FGF14: variants seen among roughly 807,000 people sequenced by gnomAD.
FGF14 encodes the protein fibroblast growth factor 14.
A neutral mutation model predicts 25.5 loss-of-function variants in FGF14; 5 were observed. That is an observed-to-expected ratio of 0.20 (90% CI 0.10 to 0.41). The LOEUF is 0.41. FGF14 is among the 10% of genes least tolerant of loss of function. The pLI is 1.00. For missense variants in FGF14, 222 were observed against 320.1 expected (o/e 0.69, Z 2.34); for synonymous variants, 138 against 118.3 (o/e 1.17, Z -1.08).
At position 101,740,838 on chromosome 13, in the gene FGF14, C is replaced by A. The variant is rs375647340; in HGVS notation, c.409-14028G>T. Reference sequence around the variant, plus strand: ...TGGTGGGTATGTCTTTTTTTCAGTACCAAATTACTTCAGAAATCTTCATGC... The same window carrying A: ...TGGTGGGTATGTCTTTTTTTCAGTAACAAATTACTTCAGAAATCTTCATGC... On this transcript the variant is annotated intron_variant, in intron 3 of 4. Transcript: ENST00000376143. Among the ~76,000 whole-genome samples the A allele has an allele frequency of 7.3e-5, 11 of 151,634 alleles. No homozygotes were observed. The South Asian group carries it at 1.0e-3, about 14-fold the overall frequency.
chr13:101,946,580 G>A (rs1292574411), intron 1 of FGF14, among the ~76,000 whole-genome samples: 1 of 152,178 alleles, frequency 6.6e-6, no homozygotes, highest in African/African-American at 2.4e-5. Flanking sequence ...CCATTTCCCT[G>A]TTCTGCCATC....
chr13:101,723,192 T>C, intron 4 of FGF14: 1 of 556,596 alleles, frequency 1.8e-6, no homozygotes. Context: ...AATATGTATA[T>C]GAGTGTGCAT....
At chr13:102,054,974 G>A (rs150455421) in intron 1 of FGF14, among the ~76,000 whole-genome samples, 108 of 152,168 alleles carry the variant, frequency 7.1e-4, no homozygotes, top group Non-Finnish European at 1.4e-3. Context: ...TTGAATCACT[G>A]TACAACCAGG....
intron 3 of FGF14, among the ~76,000 whole-genome samples, chr13:101,848,991 T>C (rs2043607961): frequency 1.3e-5 from 2 of 152,086 alleles, no homozygotes; most frequent in Admixed American, 6.6e-5. Context: ...GTATTTTTCT[T>C]TTACTTTCTC....
intron 1 of FGF14, among the ~76,000 whole-genome samples, chr13:102,167,099 G>C (rs968565017): frequency 6.6e-6 from 1 of 151,858 alleles, no homozygotes; most frequent in Non-Finnish European, 1.5e-5. Flanking sequence ...TCAGGAGTTC[G>C]AGACCAGCCT....
rs554975699 is a variant in FGF14, at chr13:101,823,446, G to C, written c.408+45279C>G. On this transcript the variant is annotated intron_variant, in intron 3 of 4. Transcript: ENST00000376143. Reference sequence around the variant, plus strand: ...TATACACATATATCTTTATATATTTGTTTGTTTTGAGATGGAGTTTTGCTC... The same window carrying C: ...TATACACATATATCTTTATATATTTCTTTGTTTTGAGATGGAGTTTTGCTC... Among the ~76,000 whole-genome samples, 279 of 149,084 alleles carry C rather than the reference G, an allele frequency of 1.9e-3. 2 individuals carry two copies. The highest frequency in any genetic ancestry group is 6.4e-3 in the African/African-American group (259 of 40,786).
At chr13:101,976,805 T>C (rs2037955646) in intron 1 of FGF14, among the ~76,000 whole-genome samples, 1 of 152,204 alleles carries the variant, frequency 6.6e-6, no homozygotes, top group African/African-American at 2.4e-5. Flanking sequence ...CATTATTTCA[T>C]ATGAAAGCTG....
At chr13:101,937,213 A>G (rs1268846681) in intron 1 of FGF14, among the ~76,000 whole-genome samples, 1 of 152,232 alleles carries the variant, frequency 6.6e-6, no homozygotes, top group African/African-American at 2.4e-5. Flanking sequence ...AACATATCAG[A>G]ATAATTCCCA....
chr13:101,970,867 C>T lies in FGF14; in HGVS notation c.209-95571G>A, dbSNP rs137907988. Among the ~76,000 whole-genome samples the T allele has an allele frequency of 3.7e-4, 56 of 152,268 alleles. 1 individual carries two copies. The Middle Eastern group carries it at 0.01, about 28-fold the overall frequency. ...AGTGCATTCACTCTACCAACCCTCC[C>T]ATAGCCTGTCACCACCACCCTCCAG... is the stretch of plus-strand genomic sequence containing the variant. On this transcript the variant is annotated intron_variant, in intron 1 of 4. Coordinates refer to the FGF14 transcript ENST00000376131.
chr13:102,358,632 T>C (rs2057481845), intron 1 of FGF14, among the ~76,000 whole-genome samples: 2 of 152,200 alleles, frequency 1.3e-5, no homozygotes, highest in Non-Finnish European at 2.9e-5. Context: ...ATAGTGTGTG[T>C]TTGTTTTTAC....
chr13:101,920,688 C>T (rs1566439022), upstream of FGF14, among the ~76,000 whole-genome samples: 1 of 152,110 alleles, frequency 6.6e-6, no homozygotes, highest in East Asian at 1.9e-4. Flanking sequence ...CACCACCCCC[C>T]CACAGTGGAT....
At chr13:101,737,292 A>G (rs1386790178) in intron 3 of FGF14, among the ~76,000 whole-genome samples, 1 of 152,090 alleles carries the variant, frequency 6.6e-6, no homozygotes, top group Non-Finnish European at 1.5e-5. Context: ...GTGAAGGAAG[A>G]TGCAAGAAAG....
Position 101,746,469 on chromosome 13 carries a change from C to T in FGF14, c.409-19659G>A, listed in dbSNP as rs372396617. ...GAAAACTCTAGCTCAGTGGTGCTTC[C>T]CCCCAAAAATGTTAGTACTCATGCA... is the stretch of plus-strand genomic sequence containing the variant. On this transcript the variant is annotated intron_variant, in intron 3 of 4. Transcript: ENST00000376143. 5.7e-4 allele frequency among the ~76,000 whole-genome samples: 86 copies of T among 152,036 alleles called. 1 individual carries two copies. The South Asian group carries it at 5.8e-3, about 10-fold the overall frequency.
At chr13:102,373,670 G>A (rs903856822) in intron 1 of FGF14, 11 of 152,232 alleles carry the variant, frequency 7.2e-5, no homozygotes, top group African/African-American at 2.4e-4. Flanking sequence ...AGCTTGATTT[G>A]TGTTATTTCA....
chr13:101,897,889 ATTTAT>A (rs1409342820), intron 1 of FGF14, among the ~76,000 whole-genome samples: 2 of 150,152 alleles, frequency 1.3e-5, no homozygotes, highest in East Asian at 1.9e-4. Flanking sequence ...AGGATTTTTA[ATTTAT>A]TTTATTTTTT....
rs1025290834 is a variant in FGF14, at chr13:101,716,443, T to G, written c.*6388A>C. The G allele has an allele frequency of 3.3e-5, 5 of 152,186 alleles. No homozygotes were observed. Among genetic ancestry groups the G allele is most frequent in the Admixed American group, 1.3e-4 (2 of 15,274 alleles). 9.4% of individuals were successfully genotyped at this position (152,186 alleles called of 1,614,324 possible). ...TAAATAAATAGTGACAGAAGTTGTT[T>G]ATACTCTGTGTCAGTATATATATCT... On this transcript the variant is annotated 3_prime_UTR_variant, in exon 5 of 5. Transcript: ENST00000376143.
chr13:102,113,607 A>G (rs1330967108), intron 1 of FGF14, among the ~76,000 whole-genome samples: 2 of 152,190 alleles, frequency 1.3e-5, no homozygotes, highest in African/African-American at 4.8e-5. Context: ...TGCACACATC[A>G]AGGACTATCC....
intron 1 of FGF14, among the ~76,000 whole-genome samples, chr13:102,039,908 G>A (rs2041650361): frequency 6.6e-6 from 1 of 151,926 alleles, no homozygotes; most frequent in Admixed American, 6.6e-5. Flanking sequence ...CTGCTTCGAG[G>A]CTCATCACTC....
At chr13:101,897,784 A>G (rs917013318) in intron 1 of FGF14, among the ~76,000 whole-genome samples, 1 of 152,244 alleles carries the variant, frequency 6.6e-6, no homozygotes, top group African/African-American at 2.4e-5. Context: ...TAATTTAAAA[A>G]TCTGAAATAA....
Sources: allele counts gnomAD v4.1 joint callset (sites outside exome capture counted in the v4.1 genomes callset), GRCh38; gene constraint gnomAD v4.1.1; transcripts MANE v1.5; gene names NCBI Gene and HGNC (gene_info 2026-07-23, HGNC 2026-07-21).